ZNF773: variants seen among roughly 807,000 people sequenced by gnomAD.
ZNF773 encodes the protein zinc finger protein 773, also known as zinc finger protein 419B.
Under a neutral mutation model 12.8 loss-of-function variants are expected in ZNF773, and 11 were observed. The observed-to-expected ratio is 0.86, with a 90% CI of 0.54 to 1.42. The LOEUF is 1.42. Among genes scored for constraint, ZNF773 ranks in the 40% most tolerant of loss-of-function variants. ZNF773 has a pLI of 0.00. For missense variants in ZNF773, 518 were observed against 527.2 expected (o/e 0.98, Z 0.17); for synonymous variants, 175 against 178.4 (o/e 0.98, Z 0.15).
At position 57,507,624 on chromosome 19, in the gene ZNF773, G is replaced by T; in HGVS notation, c.*200G>T. ...AAAGGCCTAACCGTATTCAACACCA[G>T]AAAGTTTAGACTGGAGAAAGGCCTT... On this transcript the variant is annotated 3_prime_UTR_variant, in exon 4 of 4. Transcript: ENST00000282292. The T allele has an allele frequency of 2.2e-6, 3 of 1,387,876 alleles. No homozygotes were observed. The Admixed American group carries it at 9.8e-5, about 46-fold the overall frequency. 86.0% of individuals were successfully genotyped at this position (1,387,876 alleles called of 1,614,324 possible).
chr19:57,516,830 T>C (rs902014524), downstream of ZNF773: 2 of 152,216 alleles, frequency 1.3e-5, no homozygotes, highest in Non-Finnish European at 2.9e-5. Flanking sequence ...GGGGTCCCCA[T>C]GGTCATTTAG....
At position 57,504,685 on chromosome 19, in the gene ZNF773, C is replaced by A; in HGVS notation, c.62C>A (p.Ala21Asp). The change falls in exon 2 of 4, where the codon GCT (alanine) becomes GAT (aspartate). Residue 21 changes from alanine (A) to aspartate (D), a missense_variant. Transcript: ENST00000282292. ...GGCTATGTGACCTTTGAGGACGTGG[C>A]TGTCTACTTCTCCCAGGAGGAATGG... ...QQGYVTFEDVAVYFSQEEWRL... is the reference protein window; with the variant it reads ...QQGYVTFEDVDVYFSQEEWRL... The A allele has an allele frequency of 6.2e-7, 1 of 1,614,076 alleles. No individual in the cohort carries two copies. The highest frequency in any genetic ancestry group is 1.3e-5 in the African/African-American group (1 of 75,004).
At chr19:57,503,710 C>T (rs543045475) in intron 1 of ZNF773, among the ~76,000 whole-genome samples, 23 of 149,686 alleles carry the variant, frequency 1.5e-4, no homozygotes, top group African/African-American at 3.5e-4. Context: ...TAGACTAGAG[C>T]GCAATGGCAA....
At chr19:57,513,083 A>G (rs777216529), downstream of ZNF773, 3 of 1,517,834 alleles carry the variant, frequency 2.0e-6, no homozygotes, top group East Asian at 5.2e-5. Flanking sequence ...GGTCTGCTGG[A>G]GCAGAGAAAG....
rs750407573 is a variant in ZNF773 at position 57,505,425 on chromosome 19, A to T, written c.262+25A>T. ...GGTACTTGGTGGGTGGAGCTCAGGG[A>T]GGTATGAACTCGGGTATGGGTTTGT... On this transcript the variant is annotated intron_variant, in intron 3 of 3. Coordinates refer to ENST00000282292, the MANE Select transcript of ZNF773 (RefSeq NM_198542.3). The T allele has an allele frequency of 7.4e-6, 12 of 1,613,092 alleles. No individual in the cohort carries two copies. The Admixed American group carries it at 2.0e-4, about 27-fold the overall frequency.
intron 1 of ZNF773, among the ~76,000 whole-genome samples, chr19:57,500,792 G>A (rs558968133): frequency 7.9e-5 from 12 of 152,296 alleles, no homozygotes; most frequent in Middle Eastern, 3.4e-3. Flanking sequence ...AGATGTCCCA[G>A]AGTGGAGGTG....
At chr19:57,517,295 C>T (rs2089837720), downstream of ZNF773, 1 of 152,192 alleles carries the variant, frequency 6.6e-6, no homozygotes, top group Admixed American at 6.5e-5. Flanking sequence ...CCTAATAATT[C>T]TAGGTCACAT....
At chr19:57,508,708 C>A, downstream of ZNF773, 1 of 550,232 alleles carries the variant, frequency 1.8e-6, no homozygotes, top group Non-Finnish European at 3.2e-6. Flanking sequence ...AGTCATAGGC[C>A]ATTCATTTTA....
At chr19:57,506,049 C>T (rs2089728656) in intron 3 of ZNF773, among the ~76,000 whole-genome samples, 1 of 152,118 alleles carries the variant, frequency 6.6e-6, no homozygotes, top group Non-Finnish European at 1.5e-5. Context: ...ACCTTCTGTG[C>T]CGTGTTCCTG....
intron 3 of ZNF773, among the ~76,000 whole-genome samples, chr19:57,505,866 T>C (rs1418373049): frequency 3.3e-5 from 5 of 152,098 alleles, no homozygotes; most frequent in Admixed American, 6.5e-5. Flanking sequence ...CCCGCCACCA[T>C]GCCTGGCTAA....
intron 3 of ZNF773, 134 bp downstream of exon 3, chr19:57,505,534 C>T (rs1237145743): frequency 3.9e-5 from 40 of 1,032,406 alleles, no homozygotes; most frequent in Admixed American, 3.3e-4. Context: ...TTTTCTTCCT[C>T]AGTCACCCAT....
downstream of ZNF773, chr19:57,513,819 T>G (rs2089815192): frequency 6.6e-6 from 1 of 152,264 alleles, no homozygotes; most frequent in Non-Finnish European, 1.5e-5. Flanking sequence ...ATTAAACCAA[T>G]GGGTGCATTA....
At chr19:57,513,019 C>T, downstream of ZNF773, 2 of 1,559,884 alleles carry the variant, frequency 1.3e-6, no homozygotes, top group South Asian at 1.2e-5. Context: ...CTTCTTCATT[C>T]AGTCCCGAAC....
downstream of ZNF773, chr19:57,517,823 A>T (rs184753866): frequency 6.6e-6 from 1 of 152,400 alleles, no homozygotes; most frequent in African/African-American, 2.4e-5. Flanking sequence ...AACTTGAATA[A>T]GCAGACTCAA....
downstream of ZNF773, chr19:57,515,983 GGAA>G (rs1303345794): frequency 1.3e-5 from 2 of 152,400 alleles, no homozygotes; most frequent in Non-Finnish European, 2.9e-5. Context: ...AGAAATCCCC[GGAA>G]GAAGGACAAT....
Position 57,506,337 on chromosome 19 carries a change from T to G in ZNF773, c.263-21T>G, listed in dbSNP as rs115884396. The G allele has an allele frequency of 7.3e-4, 1,160 of 1,592,040 alleles. 12 individuals carry two copies. The African/African-American group carries it at 0.014, about 19-fold the overall frequency. ...CACACCAAAGACTACATTTACTTCA[T>G]CAACATTTCTCTTCTTTCAGGTAGT... On this transcript the variant is annotated intron_variant, in intron 3 of 3. Coordinates refer to ENST00000282292, the MANE Select transcript of ZNF773 (RefSeq NM_198542.3).
chr19:57,511,627 C>T (rs544526407), downstream of ZNF773, among the ~76,000 whole-genome samples: 17 of 152,082 alleles, frequency 1.1e-4, no homozygotes, highest in African/African-American at 3.9e-4. Context: ...ATAGGGATAT[C>T]CCCAAGAGAA....
In ZNF773 at chr19:57,506,708, T is replaced by G; in HGVS notation, c.613T>G (p.Leu205Val). Reference sequence around the variant, plus strand: ...TGGGAAAGCCTTTGGTCAGAAATATTTACTTGTTCAGCACCAGAGACTGCA... The same window carrying G: ...TGGGAAAGCCTTTGGTCAGAAATATGTACTTGTTCAGCACCAGAGACTGCA... The part of the protein sequence containing the change: ...ECGKAFGQKY[L>V]LVQHQRLHTG... The change falls in exon 4 of 4, where the codon TTA (leucine) becomes GTA (valine). Residue 205 changes from leucine (L) to valine (V), a missense_variant. Transcript: ENST00000282292. 5.6e-6 allele frequency: 9 copies of G among 1,614,196 alleles called. No individual in the cohort carries two copies. The highest frequency in any genetic ancestry group is 7.6e-6 in the Non-Finnish European group (9 of 1,180,030).
At chr19:57,518,198 G>A (rs2089842570) in exon 5 of ZNF773, 2 of 152,446 alleles carry the variant, frequency 1.3e-5, no homozygotes, top group Admixed American at 6.5e-5. Flanking sequence ...TCTGCCACCA[G>A]AAGGAATGCT....
Sources: gnomAD v4.1 joint callset for allele counts (sites outside exome capture counted in the v4.1 genomes callset) on GRCh38, gnomAD v4.1.1 for gene constraint, MANE v1.5 for transcripts, NCBI Gene and HGNC (gene_info 2026-07-23, HGNC 2026-07-21) for gene names.